Variants in ASH1L observed in about 807,000 individuals in gnomAD.
ASH1L encodes histone-lysine N-methyltransferase ASH1L.
A neutral mutation model predicts 269.0 loss-of-function variants in ASH1L; 23 were observed. The ratio of observed to expected loss-of-function variants is 0.09; its 90% CI spans 0.06 to 0.12. ASH1L has a LOEUF of 0.12. Among genes scored for constraint, ASH1L ranks in the 10% least tolerant of loss-of-function variants. The pLI is 1.00. For missense variants in ASH1L, 2,912 were observed against 3,567.8 expected (o/e 0.82, Z 4.68); for synonymous variants, 1,187 against 1,253.5 (o/e 0.95, Z 1.12).
intron 5 of ASH1L, among the ~76,000 whole-genome samples, chr1:155,436,197 T>TATTTATTC (rs1246975820): frequency 6.6e-6 from 1 of 152,194 alleles, no homozygotes; most frequent in Non-Finnish European, 1.5e-5. Flanking sequence ...TTTATTTATT[T>TATTTATTC]ATTTATTTTG....
At chr1:155,553,191 CATT>C (rs1671332912) in intron 1 of ASH1L, among the ~76,000 whole-genome samples, 1 of 152,130 alleles carries the variant, frequency 6.6e-6, no homozygotes, top group Non-Finnish European at 1.5e-5. Context: ...GAGATTCATT[CATT>C]ATTAAGACAA....
At chr1:155,374,951 A>G (rs1340162258) in intron 10 of ASH1L, among the ~76,000 whole-genome samples, 1 of 152,112 alleles carries the variant, frequency 6.6e-6, no homozygotes, top group Admixed American at 6.6e-5. Context: ...AGTAGCTGGG[A>G]CTGCAGGCAT....
At chr1:155,537,422 T>G (rs143742191) in intron 1 of ASH1L, among the ~76,000 whole-genome samples, 2 of 152,374 alleles carry the variant, frequency 1.3e-5, no homozygotes, top group South Asian at 4.1e-4. Context: ...TGTTTCATTC[T>G]GACAATAATC....
In ASH1L at chr1:155,562,299, G is replaced by A; in HGVS notation, c.-246C>T. 6.3e-7 allele frequency: 1 copy of A among 1,595,926 alleles called. No individual in the cohort carries two copies. The highest frequency in any genetic ancestry group is 8.6e-7 in the Non-Finnish European group (1 of 1,164,462). On this transcript the variant is annotated 5_prime_UTR_variant, in exon 1 of 28. Transcript: ENST00000392403. ...AGGCGGCCAGCGGGTAAGCTGACTGGCGGAAATGCGAGAGAGGAGAAGGGA... is the reference window on the plus strand; with the variant it reads ...AGGCGGCCAGCGGGTAAGCTGACTGACGGAAATGCGAGAGAGGAGAAGGGA...
At chr1:155,429,300 G>T (rs76768697) in intron 5 of ASH1L, among the ~76,000 whole-genome samples, 3,669 of 152,192 alleles carry the variant, frequency 0.024, 84 homozygotes, top group Non-Finnish European at 0.037. Flanking sequence ...TTGAGACAGG[G>T]TCTCACTCTG....
chr1:155,480,794 T>C lies in ASH1L; in HGVS notation c.2076A>G (p.Lys692=), dbSNP rs908877988. 2.5e-6 allele frequency: 4 copies of C among 1,613,864 alleles called. No individual in the cohort carries two copies. In the African/African-American group the frequency reaches 5.3e-5, roughly 22 times the overall value. Residue 692 remains lysine, a synonymous_variant, in exon 3 of 28, where the codon AAA becomes AAG. Transcript: ENST00000392403. ...LKLGAVSASD[K]HCQVAESLST... ...TTAGGCTTTCAGCAACTTGGCAGTG[T>C]TTGTCTGATGCAGATACTGCACCCA...
At chr1:155,453,068 A>G (rs992935966) in intron 4 of ASH1L, among the ~76,000 whole-genome samples, 3 of 152,170 alleles carry the variant, frequency 2.0e-5, no homozygotes, top group Admixed American at 6.5e-5. Context: ...ACATGTGGCT[A>G]AACAGGCCAG....
At chr1:155,373,039 C>T (rs1341491220) in intron 10 of ASH1L, among the ~76,000 whole-genome samples, 1 of 151,750 alleles carries the variant, frequency 6.6e-6, no homozygotes, top group Non-Finnish European at 1.5e-5. Flanking sequence ...GTGGCGAAAC[C>T]CCATCTCTAC....
At chr1:155,350,055 A>G (rs1278091969) in intron 17 of ASH1L, among the ~76,000 whole-genome samples, 1 of 151,598 alleles carries the variant, frequency 6.6e-6, no homozygotes, top group Non-Finnish European at 1.5e-5. Context: ...ATGCCCGGCT[A>G]ATTTTTTGTA....
intron 2 of ASH1L, among the ~76,000 whole-genome samples, chr1:155,515,569 T>G (rs1171883848): frequency 6.6e-6 from 1 of 152,126 alleles, no homozygotes. Flanking sequence ...GACTCACTCC[T>G]ATAATCCCAG....
chr1:155,349,191 C>T, intron 19 of ASH1L, 136 bp downstream of exon 19: 2 of 860,454 alleles, frequency 2.3e-6, no homozygotes, highest in East Asian at 2.6e-5. Flanking sequence ...GTAACACATA[C>T]CCCAAGGATA....
chr1:155,356,051 C>T (rs1654358655), intron 15 of ASH1L, among the ~76,000 whole-genome samples: 1 of 151,872 alleles, frequency 6.6e-6, no homozygotes, highest in Admixed American at 6.6e-5. Flanking sequence ...AATTCTCCTG[C>T]CTCAGCCTCC....
At chr1:155,385,272 G>A (rs972226768) in intron 7 of ASH1L, among the ~76,000 whole-genome samples, 1 of 151,974 alleles carries the variant, frequency 6.6e-6, no homozygotes, top group Non-Finnish European at 1.5e-5. Context: ...GTAAAACCCC[G>A]TCTTTACTAA....
intron 1 of ASH1L, among the ~76,000 whole-genome samples, chr1:155,559,631 G>GT (rs1671826128): frequency 6.6e-6 from 1 of 151,756 alleles, no homozygotes; most frequent in South Asian, 2.1e-4. Flanking sequence ...TATTCAAAGA[G>GT]TAAGTAGTGG....
intron 20 of ASH1L, among the ~76,000 whole-genome samples, chr1:155,347,118 G>C (rs1016888770): frequency 6.6e-6 from 1 of 152,242 alleles, no homozygotes; most frequent in Admixed American, 6.5e-5. Flanking sequence ...GAAGGAAAGA[G>C]CCAGGCGTGG....
chr1:155,526,920 T>G (rs1213789784), intron 1 of ASH1L, among the ~76,000 whole-genome samples: 1 of 152,170 alleles, frequency 6.6e-6, no homozygotes. Flanking sequence ...AGAAAATTCC[T>G]CTTAGCCGAG....
intron 1 of ASH1L, among the ~76,000 whole-genome samples, chr1:155,545,175 CAA>C (rs10624841): frequency 5.9e-3 from 128 of 21,688 alleles, no homozygotes; most frequent in African/African-American, 0.027. Context: ...TCCATCTCAC[CAA>C]AAAAAAAAAA....
chr1:155,427,132 ATTTTT>A (rs67465671), intron 5 of ASH1L, among the ~76,000 whole-genome samples: 1 of 96,080 alleles, frequency 1.0e-5, no homozygotes, highest in African/African-American at 3.5e-5. Flanking sequence ...CTCTGATATA[ATTTTT>A]TTTTTTTTTT....
At chr1:155,407,219 T>C (rs564980613) in intron 6 of ASH1L, among the ~76,000 whole-genome samples, 24 of 152,006 alleles carry the variant, frequency 1.6e-4, no homozygotes, top group African/African-American at 4.3e-4. Flanking sequence ...CGAGACTCCG[T>C]CTCAAAAAAA....
Sources: gnomAD v4.1 joint callset for allele counts (sites outside exome capture counted in the v4.1 genomes callset) on GRCh38, gnomAD v4.1.1 for gene constraint, MANE v1.5 for transcripts, NCBI Gene and HGNC (gene_info 2026-07-23, HGNC 2026-07-21) for gene names.